PRKG1: variants seen among roughly 807,000 people sequenced by gnomAD.
The protein encoded by PRKG1 is protein kinase cGMP-dependent 1.
In PRKG1, 35 loss-of-function variants were observed where a neutral mutation model predicts 88.1. That is an observed-to-expected ratio of 0.40 (90% CI 0.30 to 0.53). The LOEUF (loss-of-function observed/expected upper bound fraction) is 0.53. Among genes scored for constraint, PRKG1 ranks in the 20% least tolerant of loss-of-function variants. PRKG1 has a pLI of 0.59. For missense variants in PRKG1, 540 were observed against 839.8 expected, an observed-to-expected ratio of 0.64 and a Z score of 4.41; for synonymous variants, 303 against 292.5, an observed-to-expected ratio of 1.04 and a Z score of -0.37.
At chr10:51,766,888 GT>G (rs1321801706) in intron 3 of PRKG1, among the ~76,000 whole-genome samples, 1 of 152,126 alleles carries the variant, frequency 6.6e-6, no homozygotes, top group Non-Finnish European at 1.5e-5. Flanking sequence ...CTTTCCAAAT[GT>G]TTTGAGGACT....
At chr10:51,529,619 T>C (rs1002147013) in intron 3 of PRKG1, among the ~76,000 whole-genome samples, 1 of 152,158 alleles carries the variant, frequency 6.6e-6, no homozygotes, top group Non-Finnish European at 1.5e-5. Context: ...GCACTCAGGT[T>C]TCTGCACAAA....
At chr10:51,704,077 G>A (rs1025246312) in intron 3 of PRKG1, among the ~76,000 whole-genome samples, 3 of 149,212 alleles carry the variant, frequency 2.0e-5, no homozygotes, top group African/African-American at 7.4e-5. Context: ...CCGGGATGTG[G>A]ATGTTGCAGT....
intron 3 of PRKG1, among the ~76,000 whole-genome samples, chr10:51,738,679 C>T (rs546691400): frequency 3.4e-5 from 5 of 147,184 alleles, no homozygotes; most frequent in African/African-American, 1.3e-4. Flanking sequence ...TTGATCTTCA[C>T]CACAATCTGT....
chr10:51,635,403 A>T (rs1564583484), intron 3 of PRKG1, among the ~76,000 whole-genome samples: 1 of 152,080 alleles, frequency 6.6e-6, no homozygotes, highest in Non-Finnish European at 1.5e-5. Flanking sequence ...TAAAACATGT[A>T]TTCAAAATAA....
intron 3 of PRKG1, among the ~76,000 whole-genome samples, chr10:51,628,888 A>G (rs1000386294): frequency 2.0e-5 from 3 of 150,240 alleles, no homozygotes; most frequent in South Asian, 2.1e-4. Context: ...GAACCCGGGA[A>G]GCGGAGCTTG....
At chr10:52,128,577 G>C in intron 7 of PRKG1, 1 of 985,106 alleles carries the variant, frequency 1.0e-6, no homozygotes, top group South Asian at 4.7e-5. Flanking sequence ...CAAATATTTT[G>C]GGATATTTTT....
chr10:51,391,445 C>A (rs1291820106), intron 2 of PRKG1, among the ~76,000 whole-genome samples: 1 of 152,216 alleles, frequency 6.6e-6, no homozygotes, highest in Non-Finnish European at 1.5e-5. Flanking sequence ...TTCCTGCTTG[C>A]ACCTGTGCTA....
intron 1 of PRKG1, among the ~76,000 whole-genome samples, chr10:51,090,137 T>C (rs1589144907): frequency 6.6e-6 from 1 of 152,194 alleles, no homozygotes; most frequent in Admixed American, 6.5e-5. Flanking sequence ...TGATTGGAGA[T>C]AATGCTTGAG....
At chr10:52,178,689 A>G (rs982726340) in intron 9 of PRKG1, among the ~76,000 whole-genome samples, 3 of 152,148 alleles carry the variant, frequency 2.0e-5, no homozygotes, top group African/African-American at 7.2e-5. Context: ...CATTAAATGC[A>G]TATAGATTTA....
chr10:51,035,703 AC>A (rs902132783), intron 1 of PRKG1, among the ~76,000 whole-genome samples: 6 of 152,168 alleles, frequency 3.9e-5, no homozygotes, highest in African/African-American at 1.2e-4. Context: ...TTAAAAATAT[AC>A]CTTTACTAAA....
intron 1 of PRKG1, among the ~76,000 whole-genome samples, chr10:51,108,349 G>A (rs2339669): frequency 0.8 from 121,188 of 151,702 alleles, 48,852 homozygotes; most frequent in South Asian, 0.88. Context: ...AAAAACTCTA[G>A]CAAATTTTAG....
intron 5 of PRKG1, among the ~76,000 whole-genome samples, chr10:52,028,062 T>C (rs1429689850): frequency 6.6e-6 from 1 of 152,186 alleles, no homozygotes; most frequent in Admixed American, 6.5e-5. Flanking sequence ...GTTCTGGGAT[T>C]ACAGGCATGA....
chr10:51,099,362 T>C (rs928937797), intron 1 of PRKG1, among the ~76,000 whole-genome samples: 1 of 148,332 alleles, frequency 6.7e-6, no homozygotes, highest in African/African-American at 2.5e-5. Context: ...AAATTGTTTT[T>C]TCCTTAGATA....
intron 3 of PRKG1, among the ~76,000 whole-genome samples, chr10:51,474,846 T>C (rs61849781): frequency 0.045 from 6,887 of 152,078 alleles, 244 homozygotes; most frequent in Middle Eastern, 0.15. Flanking sequence ...TAGCACTTCG[T>C]TGGTGAATCT....
At chr10:51,287,039 T>C (rs955919127) in intron 2 of PRKG1, among the ~76,000 whole-genome samples, 3 of 152,068 alleles carry the variant, frequency 2.0e-5, no homozygotes, top group African/African-American at 4.8e-5. Flanking sequence ...CACCACGCTT[T>C]GCTAACTTTA....
rs539775516 is a variant in PRKG1 at position 51,083,969 on chromosome 10, A to C, written c.311+9068A>C. ...ATAGCACTTTATATAAGCAATGAAA[A>C]TAGCTAATATAATTGCAAATACTTT... On this transcript the variant is annotated intron_variant, in intron 1 of 17. Transcript: ENST00000373980. Among the ~76,000 whole-genome samples, 5 of 152,326 alleles carry C rather than the reference A, an allele frequency of 3.3e-5. No individual in the cohort carries two copies. The South Asian group carries it at 1.0e-3, about 32-fold the overall frequency.
intron 3 of PRKG1, among the ~76,000 whole-genome samples, chr10:51,683,148 A>C (rs938411099): frequency 6.6e-6 from 1 of 152,206 alleles, no homozygotes. Flanking sequence ...CAGTAAGCAC[A>C]TGAAAATGCT....
chr10:51,629,829 G>A (rs1376793471), intron 3 of PRKG1, among the ~76,000 whole-genome samples: 3 of 152,110 alleles, frequency 2.0e-5, no homozygotes, highest in Non-Finnish European at 2.9e-5. Context: ...CAAACTCTTT[G>A]AAAGCTGAGA....
chr10:52,179,896 C>A (rs757564147), intron 9 of PRKG1, among the ~76,000 whole-genome samples: 17 of 152,100 alleles, frequency 1.1e-4, no homozygotes, highest in Non-Finnish European at 2.4e-4. Flanking sequence ...ACTGTGTTGG[C>A]CAGGCTGGTC....
Sources: allele counts gnomAD v4.1 joint callset (sites outside exome capture counted in the v4.1 genomes callset), GRCh38; gene constraint gnomAD v4.1.1; transcripts MANE v1.5; gene names NCBI Gene and HGNC (gene_info 2026-07-23, HGNC 2026-07-21).